Variants in BCL11B observed in about 807,000 individuals in gnomAD.
BCL11B encodes the protein B-cell lymphoma/leukemia 11B.
BCL11B carries 8 observed loss-of-function variants against 49.9 expected under a neutral mutation model. The observed-to-expected ratio is 0.16, with a 90% confidence interval of 0.09 to 0.29. The LOEUF is 0.29. Ranked by LOEUF, BCL11B falls within the 10% of genes least tolerant of loss-of-function variation. The probability of loss-of-function intolerance (pLI) is 1.00; values close to 1 mark genes in which losing one functional copy is unlikely to be tolerated. For synonymous variants in BCL11B, 739 were observed against 637.4 expected, an observed-to-expected ratio of 1.16 and a Z score of -2.40; for missense variants, 1,006 against 1,351.0, an observed-to-expected ratio of 0.74 and a Z score of 4.00.
Position 99,228,153 on chromosome 14 carries a change from C to G in BCL11B, c.640+3192G>C, listed in dbSNP as rs1254954353. ...CCATGTTAACTTGAAGAGATGGGTT[C>G]AATGCATCCTGATCCGAAAAGGGAC... On this transcript the variant is annotated intron_variant, in intron 3 of 3. Transcript: ENST00000357195. This position sits in a 1 kb window ranked among gnomAD's most constrained non-coding sequence, Gnocchi z 4.8. Among the ~76,000 whole-genome samples, 1 of 152,214 alleles carries G rather than the reference C, an allele frequency of 6.6e-6. No homozygotes were observed. Among genetic ancestry groups the G allele is most frequent in the Non-Finnish European group, 1.5e-5 (1 of 68,040 alleles).
At chr14:99,183,116 C>T (rs377258470) in intron 3 of BCL11B, among the ~76,000 whole-genome samples, 73 of 152,044 alleles carry the variant, frequency 4.8e-4, no homozygotes, top group African/African-American at 1.6e-3. Flanking sequence ...TTATGAGTGA[C>T]GCTAGGAGGA....
In BCL11B at chr14:99,242,598, C is replaced by T. The variant is rs148313390; in HGVS notation, c.428-11041G>A. Among the ~76,000 whole-genome samples, 2,050 of 152,310 alleles carry T rather than the reference C, an allele frequency of 0.013. 53 individuals are homozygous for T. Among genetic ancestry groups the T allele is most frequent in the African/African-American group, 0.047 (1,940 of 41,568 alleles). On this transcript the variant is annotated intron_variant, in intron 2 of 3. Transcript: ENST00000357195. This position sits in a 1 kb window ranked among gnomAD's most constrained non-coding sequence, Gnocchi z 4.4. ...TGGGGAAAGGAGAGGACCACACTCT[C>T]CCACCCCTACCCCACAACTCCAGCC...
Position 99,231,666 on chromosome 14 carries a change from G to T in BCL11B, c.428-109C>A. On this transcript the variant is annotated intron_variant, in intron 2 of 3. Transcript: ENST00000357195. The surrounding 1 kb of genome is among the most constrained non-coding windows in gnomAD (Gnocchi z 8.1). ...GGGGCTCTGCTCAGGCCACCCTTCGGGGGTGGGAGGCCCCCGGGGTGCCAG... is the reference window on the plus strand; with the variant it reads ...GGGGCTCTGCTCAGGCCACCCTTCGTGGGTGGGAGGCCCCCGGGGTGCCAG... 1 of 1,176,366 alleles carries T rather than the reference G, an allele frequency of 8.5e-7. No homozygotes were observed. The highest frequency in any genetic ancestry group is 1.4e-5 in the South Asian group (1 of 72,330). The allele number at this position is 1,176,366 out of a possible 1,614,324, so 72.9% of individuals were successfully genotyped here.
intron 3 of BCL11B, among the ~76,000 whole-genome samples, chr14:99,197,337 T>C (rs1887206348): frequency 6.6e-6 from 1 of 152,140 alleles, no homozygotes; most frequent in Non-Finnish European, 1.5e-5. Context: ...AAGACACCCC[T>C]GGCCCCTCTC....
intron 3 of BCL11B, among the ~76,000 whole-genome samples, chr14:99,216,183 G>A (rs1049547208): frequency 1.3e-5 from 2 of 152,198 alleles, no homozygotes; most frequent in African/African-American, 4.8e-5. Context: ...GTCTGAAATC[G>A]GACTGCCTCC....
At chr14:99,215,975 GC>G (rs1296176282) in intron 3 of BCL11B, among the ~76,000 whole-genome samples, 1 of 152,174 alleles carries the variant, frequency 6.6e-6, no homozygotes, top group African/African-American at 2.4e-5. Context: ...AGAGGAAAAA[GC>G]CCCGTGGATC....
intron 2 of BCL11B, among the ~76,000 whole-genome samples, chr14:99,244,057 A>G (rs918739060): frequency 3.9e-5 from 6 of 152,024 alleles, no homozygotes; most frequent in Non-Finnish European, 5.9e-5. Flanking sequence ...CAAAGACGCC[A>G]GAGCACCCTG....
At chr14:99,178,035 C>T (rs1328077294) in intron 3 of BCL11B, among the ~76,000 whole-genome samples, 1 of 152,160 alleles carries the variant, frequency 6.6e-6, no homozygotes, top group African/African-American at 2.4e-5. Flanking sequence ...GCCGGGACCT[C>T]CCCAAGACAT....
Position 99,174,717 on chromosome 14 carries a change from C to G in BCL11B, c.2119G>C (p.Val707Leu). The G allele has an allele frequency of 6.4e-7, 1 of 1,557,422 alleles. No homozygotes were observed. The highest frequency in any genetic ancestry group is 8.7e-7 in the Non-Finnish European group (1 of 1,152,752). The change falls in exon 4 of 4, where the codon GTG becomes CTG. Residue 707 changes from valine to leucine, a missense_variant. Physicochemically the swap from Val to Leu is conservative, Grantham distance 32 (BLOSUM62 1). Around this residue, in one of 6 missense-constraint regions of BCL11B, gnomAD observed 443 missense variants for 499.7 expected, o/e 0.89. Transcript: ENST00000357195. ...TAGCCCACCAGCCACTGCGAGTACACGTTCTCGGACGGGATGAGCGCGGCG... is the reference window on the plus strand; with the variant it reads ...TAGCCCACCAGCCACTGCGAGTACAGGTTCTCGGACGGGATGAGCGCGGCG... ...PPAALIPSEN[V>L]YSQWLVGYAA...
intron 3 of BCL11B, among the ~76,000 whole-genome samples, chr14:99,212,734 G>A (rs1175654639): frequency 6.6e-6 from 1 of 152,164 alleles, no homozygotes; most frequent in Non-Finnish European, 1.5e-5. Context: ...GAAGCTGGAG[G>A]CAAGTGTCCA....
Position 99,271,756 on chromosome 14 carries a change from T to C in BCL11B, c.-538A>G, listed in dbSNP as rs1171866417. ...AAAAAAATGCAAACAAATAAAAAAA[T>C]AAAAGAAGAAAAAGCAAAGGAAAAA... On this transcript the variant is annotated 5_prime_UTR_variant, in exon 1 of 4. Coordinates refer to ENST00000357195, the MANE Select transcript of BCL11B (RefSeq NM_138576.4). Among the ~76,000 whole-genome samples the C allele has an allele frequency of 1.4e-5, 2 of 144,074 alleles. No homozygotes were observed. The highest frequency in any genetic ancestry group is 5.4e-5 in the African/African-American group (2 of 36,794). The allele number at this position is 144,074 out of a possible 152,430, so 94.5% of individuals were successfully genotyped here.
intron 2 of BCL11B, among the ~76,000 whole-genome samples, chr14:99,234,200 G>C (rs1462294337): frequency 6.6e-6 from 1 of 152,090 alleles, no homozygotes; most frequent in Non-Finnish European, 1.5e-5. Context: ...GAGTTTCTTC[G>C]GGGGGTGATG....
chr14:99,215,584 C>A (rs1887811096), intron 3 of BCL11B, among the ~76,000 whole-genome samples: 1 of 152,192 alleles, frequency 6.6e-6, no homozygotes, highest in Non-Finnish European at 1.5e-5. Context: ...ATAAATGAAA[C>A]CAGGCACTGT....
At chr14:99,221,506 G>A (rs1221343556) in intron 3 of BCL11B, among the ~76,000 whole-genome samples, 1 of 152,228 alleles carries the variant, frequency 6.6e-6, no homozygotes, top group Non-Finnish European at 1.5e-5. Flanking sequence ...CCCAGTGGCA[G>A]CTCTGTGATT....
chr14:99,217,385 G>GACACACACACACATACAGACAC (rs555834922), intron 3 of BCL11B, among the ~76,000 whole-genome samples: 8,775 of 130,830 alleles, frequency 0.067, 551 homozygotes, highest in East Asian at 0.32. Flanking sequence ...CACACATACA[G>GACACACACACACATACAGACAC]ACACACACAC....
chr14:99,228,393 T>C lies in BCL11B; in HGVS notation c.640+2952A>G, dbSNP rs1423526019. Among the ~76,000 whole-genome samples the C allele has an allele frequency of 6.6e-6, 1 of 152,030 alleles. No individual in the cohort carries two copies. On this transcript the variant is annotated intron_variant, in intron 3 of 3. Coordinates refer to ENST00000357195, the MANE Select transcript of BCL11B (RefSeq NM_138576.4). The surrounding 1 kb of genome is among the most constrained non-coding windows in gnomAD (Gnocchi z 4.8). ...AGGTATTCAAATTGATCGGGAAACA[T>C]GGTGGTGCAAGCTGGTGAGGGCCAA...
rs999731372 is a variant in BCL11B at position 99,248,147 on chromosome 14, G to C, written c.427+9324C>G. On this transcript the variant is annotated intron_variant, in intron 2 of 3. Coordinates refer to ENST00000357195, the MANE Select transcript of BCL11B (RefSeq NM_138576.4). This position sits in a 1 kb window ranked among gnomAD's most constrained non-coding sequence, Gnocchi z 4.7. ...CTTTCCCAGACCTGTGGCTGATCAA[G>C]GGCTCCCTCCTCCCTCCCTCCCTGC... Among the ~76,000 whole-genome samples, 4 of 152,058 alleles carry C rather than the reference G, an allele frequency of 2.6e-5. No homozygotes were observed. The highest frequency in any genetic ancestry group is 5.9e-5 in the Non-Finnish European group (4 of 67,998).
chr14:99,219,464 G>A (rs1036940296), intron 3 of BCL11B, among the ~76,000 whole-genome samples: 1 of 152,088 alleles, frequency 6.6e-6, no homozygotes, highest in Admixed American at 6.5e-5. Flanking sequence ...TTACCATCCC[G>A]ATATACAAAG....
chr14:99,229,051 G>GATGGATGC (rs1566820114), intron 3 of BCL11B, among the ~76,000 whole-genome samples: 1,194 of 87,938 alleles, frequency 0.014, 5 homozygotes, highest in Non-Finnish European at 0.022. Flanking sequence ...TGCATGGATG[G>GATGGATGC]ATGGATGGAT....
Sources: gnomAD v4.1 joint callset for allele counts (sites outside exome capture counted in the v4.1 genomes callset) on GRCh38, gnomAD v4.1.1 for gene constraint, gnomAD v4.1.1 regional missense constraint, Gnocchi (gnomAD v3.1) non-coding constraint, MANE v1.5 for transcripts, NCBI Gene and HGNC (gene_info 2026-07-23, HGNC 2026-07-21) for gene names.